CNNM4: variants seen among roughly 807,000 people sequenced by gnomAD.
CNNM4 encodes the protein cyclin and CBS domain divalent metal cation transport mediator 4, also known as metal transporter CNNM4.
CNNM4 carries 32 observed loss-of-function variants against 53.7 expected under a neutral mutation model. The observed-to-expected ratio is 0.60, with a 90% confidence interval of 0.45 to 0.80. CNNM4 has a LOEUF of 0.80. Among genes scored for constraint, CNNM4 ranks in the 30% least tolerant of loss-of-function variants. The probability of loss-of-function intolerance (pLI) is 0.00; values close to 1 mark genes in which losing one functional copy is unlikely to be tolerated. For missense variants in CNNM4, 784 were observed against 1,022.0 expected, an observed-to-expected ratio of 0.77 and a Z score of 3.17; for synonymous variants, 410 against 440.0, an observed-to-expected ratio of 0.93 and a Z score of 0.85.
At chr2:96,773,230 C>T (rs571018042) in intron 1 of CNNM4, among the ~76,000 whole-genome samples, 47 of 152,344 alleles carry the variant, frequency 3.1e-4, no homozygotes, top group Admixed American at 2.4e-3. Flanking sequence ...GTGACTTTCT[C>T]TTCAGCTGCT....
At chr2:96,769,175 C>T (rs184686195) in intron 1 of CNNM4, among the ~76,000 whole-genome samples, 3 of 150,838 alleles carry the variant, frequency 2.0e-5, no homozygotes, top group Admixed American at 1.3e-4. Flanking sequence ...GGTGTGAACC[C>T]GGGAGGTGGA....
At chr2:96,785,674 T>C (rs2079010560) in intron 1 of CNNM4, among the ~76,000 whole-genome samples, 2 of 151,506 alleles carry the variant, frequency 1.3e-5, no homozygotes, top group Non-Finnish European at 2.9e-5. Flanking sequence ...CGTGGTAGCA[T>C]GTGCCGGTAG....
intron 1 of CNNM4, among the ~76,000 whole-genome samples, chr2:96,770,111 G>A (rs566449580): frequency 3.7e-4 from 57 of 152,354 alleles, no homozygotes; most frequent in African/African-American, 1.3e-3. Context: ...TCCCAAAGAG[G>A]AGCCAGCACT....
intron 5 of CNNM4, among the ~76,000 whole-genome samples, chr2:96,805,536 G>T (rs1286472844): frequency 3.9e-5 from 5 of 128,014 alleles, no homozygotes; most frequent in African/African-American, 1.5e-4. Flanking sequence ...TGGAGGGAAG[G>T]TCAGCAGATA....
chr2:96,775,645 A>G (rs1007237055), intron 1 of CNNM4, among the ~76,000 whole-genome samples: 1 of 151,982 alleles, frequency 6.6e-6, no homozygotes, highest in African/African-American at 2.4e-5. Flanking sequence ...ATCCCTACCA[A>G]CTCTGGTATT....
rs1558976548 is a variant in CNNM4 at position 96,761,549 on chromosome 2, C to A, written c.550C>A (p.Leu184Met). 9.3e-6 allele frequency: 15 copies of A among 1,614,132 alleles called. No homozygotes were observed. Among genetic ancestry groups the A allele is most frequent in the Non-Finnish European group, 1.3e-5 (15 of 1,179,970 alleles). The change falls in exon 1 of 7, where the codon CTG (leucine) becomes ATG (methionine). Residue 184 changes from leucine to methionine, a missense_variant. Coordinates refer to ENST00000377075, the MANE Select transcript of CNNM4 (RefSeq NM_020184.4). The surrounding 1 kb of genome is among the most constrained non-coding windows in gnomAD (Gnocchi z 6.0). ...GCCTGGGAGGTTCCTGCCTCTCTGGCTGCACATTCTCCTAATTACGGTGCT... is the reference window on the plus strand; with the variant it reads ...GCCTGGGAGGTTCCTGCCTCTCTGGATGCACATTCTCCTAATTACGGTGCT... The part of the protein sequence containing the change: ...EEPGRFLPLW[L>M]HILLITVLLV...
chr2:96,806,928 C>T (rs759168756), intron 5 of CNNM4, among the ~76,000 whole-genome samples: 19 of 152,298 alleles, frequency 1.2e-4, no homozygotes, highest in African/African-American at 4.3e-4. Flanking sequence ...CACCCTGACC[C>T]GCCCCGGCCA....
At chr2:96,788,624 G>C (rs1439877204) in intron 1 of CNNM4, 1 of 152,522 alleles carries the variant, frequency 6.6e-6, no homozygotes, top group Non-Finnish European at 1.5e-5. Flanking sequence ...GGAGGAAAGA[G>C]CAGAGAATCG....
In CNNM4 at chr2:96,801,730, C is replaced by CCA. The variant is rs368081962; in HGVS notation, c.1948+2090_1948+2091dup. ...CAGAGAGACCACACACATGCAGAGA[C>CCA]CACACACACCCAGAGACCACACACC... On this transcript the variant is annotated intron_variant, in intron 5 of 6. Transcript: ENST00000377075. The surrounding 1 kb of genome is among the most constrained non-coding windows in gnomAD (Gnocchi z 5.6). 0.11 allele frequency among the ~76,000 whole-genome samples: 16,193 copies of CCA among 147,998 alleles called. 3,006 individuals carry two copies. Among genetic ancestry groups the CCA allele is most frequent in the African/African-American group, 0.38 (15,218 of 39,688 alleles).
intron 1 of CNNM4, among the ~76,000 whole-genome samples, chr2:96,791,269 G>A (rs192137322): frequency 3.0e-4 from 45 of 152,164 alleles, no homozygotes; most frequent in African/African-American, 9.6e-4. Context: ...CGCCCAGCCC[G>A]TAAAATTGTA....
chr2:96,775,721 GTTTTGTTTTTGTTTTGT>G (rs983799205), intron 1 of CNNM4, among the ~76,000 whole-genome samples: 68 of 151,908 alleles, frequency 4.5e-4, no homozygotes, highest in African/African-American at 1.5e-3. Context: ...GTCTCACTGT[GTTTTGTTTTTGTTTTGT>G]TTTTGTTTTT....
At chr2:96,790,008 T>A (rs1396210704) in intron 1 of CNNM4, among the ~76,000 whole-genome samples, 2 of 121,736 alleles carry the variant, frequency 1.6e-5, no homozygotes, top group East Asian at 4.9e-4. Context: ...CTAGAATTTT[T>A]TTTTTTTTTT....
chr2:96,797,250 G>T lies in CNNM4; in HGVS notation c.1546+95G>T. ...GAAGGGCCATAGTGCAGGGACACAG[G>T]AGGCCTAGCATCCAGAGGCCCAGTG... On this transcript the variant is annotated intron_variant, in intron 2 of 6. Coordinates refer to ENST00000377075, the MANE Select transcript of CNNM4 (RefSeq NM_020184.4). The surrounding 1 kb of genome is among the most constrained non-coding windows in gnomAD (Gnocchi z 6.0). 1 of 1,551,804 alleles carries T rather than the reference G, an allele frequency of 6.4e-7. No homozygotes were observed. The highest frequency in any genetic ancestry group is 8.8e-7 in the Non-Finnish European group (1 of 1,132,970).
At chr2:96,794,426 CCA>C (rs1220468385) in intron 1 of CNNM4, among the ~76,000 whole-genome samples, 1 of 152,184 alleles carries the variant, frequency 6.6e-6, no homozygotes, top group African/African-American at 2.4e-5. Context: ...CAGTTCAAGC[CCA>C]CACACGCCTT....
Position 96,785,062 on chromosome 2 carries a change from G to A in CNNM4, c.1403-11950G>A, listed in dbSNP as rs1219198257. 3.9e-5 allele frequency among the ~76,000 whole-genome samples: 6 copies of A among 152,160 alleles called. No homozygotes were observed. The South Asian group carries it at 1.2e-3, about 32-fold the overall frequency. ...CCAGCTAATTTGTGTGTTTTTAGTA[G>A]AGATAGGATTTCATCATGTTGGCCA... On this transcript the variant is annotated intron_variant, in intron 1 of 6. Transcript: ENST00000377075.
In CNNM4 at chr2:96,808,536, A is replaced by ACTGCTCTCTGCTCTCCC; in HGVS notation, c.1949-25_1949-24insCTGCTCTCTGCTCTCCC. On this transcript the variant is annotated intron_variant, in intron 5 of 6. Coordinates refer to ENST00000377075, the MANE Select transcript of CNNM4 (RefSeq NM_020184.4). The surrounding 1 kb of genome is among the most constrained non-coding windows in gnomAD (Gnocchi z 4.9). Reference sequence around the variant, plus strand: ...AGTGGGCATCGGAGTGGCCTTTGGCATGACAACCTCTGCTCTCCCTGCAGA... The same window carrying ACTGCTCTCTGCTCTCCC: ...AGTGGGCATCGGAGTGGCCTTTGGCACTGCTCTCTGCTCTCCCTGACAACCTCTGCTCTCCCTGCAGA... 1.2e-6 allele frequency: 2 copies of ACTGCTCTCTGCTCTCCC among 1,613,718 alleles called. No individual in the cohort carries two copies. The highest frequency in any genetic ancestry group is 1.7e-6 in the Non-Finnish European group (2 of 1,179,864).
At position 96,774,960 on chromosome 2, in the gene CNNM4, C is replaced by CAAAAAAAAAAAAAA. The variant is rs56997097; in HGVS notation, c.1402+12584_1402+12597dup. Among the ~76,000 whole-genome samples, 2 of 17,690 alleles carry CAAAAAAAAAAAAAA rather than the reference C, an allele frequency of 1.1e-4. 1 individual carries two copies. The highest frequency in any genetic ancestry group is 2.4e-4 in the Non-Finnish European group (2 of 8,400). The allele number at this position is 17,690 out of a possible 152,430, so 11.6% of individuals were successfully genotyped here. A position where few individuals can be genotyped will look rare whatever the true frequency, so the allele number is the denominator to read the frequency against. ...TGGGAGACAGAGTGAGACTCCATCTCAAAAAAAAAAAAAAAAAAAAAAAAA... is the reference window on the plus strand; with the variant it reads ...TGGGAGACAGAGTGAGACTCCATCTCAAAAAAAAAAAAAAAAAAAAAAAAAAAAAAAAAAAAAAA... On this transcript the variant is annotated intron_variant, in intron 1 of 6. Transcript: ENST00000377075.
At chr2:96,806,122 C>CA (rs1553479625) in intron 5 of CNNM4, among the ~76,000 whole-genome samples, 1 of 146,598 alleles carries the variant, frequency 6.8e-6, no homozygotes, top group Non-Finnish European at 1.5e-5. Flanking sequence ...GCTGGCCGGG[C>CA]GGGGGGCTGA....
rs564623707 is a variant in CNNM4, at chr2:96,781,162, G to T, written c.1403-15850G>T. Reference sequence around the variant, plus strand: ...CCCAGCTAATTTTTTGTGTTTTTTAGTAGAGACGGGGTTTCACTGTGTTAG... The same window carrying T: ...CCCAGCTAATTTTTTGTGTTTTTTATTAGAGACGGGGTTTCACTGTGTTAG... On this transcript the variant is annotated intron_variant, in intron 1 of 6. Coordinates refer to ENST00000377075, the MANE Select transcript of CNNM4 (RefSeq NM_020184.4). 3.3e-5 allele frequency among the ~76,000 whole-genome samples: 5 copies of T among 151,936 alleles called. No individual in the cohort carries two copies. In the South Asian group the frequency reaches 1.0e-3, roughly 32 times the overall value.
Sources: gnomAD v4.1 joint callset for allele counts (sites outside exome capture counted in the v4.1 genomes callset) on GRCh38, gnomAD v4.1.1 for gene constraint, Gnocchi (gnomAD v3.1) non-coding constraint, MANE v1.5 for transcripts, NCBI Gene and HGNC (gene_info 2026-07-23, HGNC 2026-07-21) for gene names.